SPEF2: variants seen among roughly 807,000 people sequenced by gnomAD.
The protein encoded by SPEF2 is sperm flagellar and cilia associated 2.
A neutral mutation model predicts 224.6 loss-of-function variants in SPEF2; 187 were observed. The observed-to-expected ratio is 0.83, with a 90% CI of 0.74 to 0.94. The LOEUF is 0.94. Among genes scored for constraint, SPEF2 ranks in the 40% least tolerant of loss-of-function variants. The pLI is 0.00. For missense variants in SPEF2, 2,170 were observed against 2,135.6 expected, an observed-to-expected ratio of 1.02 and a Z score of -0.32; for synonymous variants, 715 against 707.3, an observed-to-expected ratio of 1.01 and a Z score of -0.17.
In SPEF2 at chr5:35,740,178, G is replaced by C. The variant is rs1747370283; in HGVS notation, c.3241G>C (p.Val1081Leu). 1 of 1,614,112 alleles carries C rather than the reference G, an allele frequency of 6.2e-7. No individual in the cohort carries two copies. The highest frequency in any genetic ancestry group is 8.5e-7 in the Non-Finnish European group (1 of 1,180,010). The change falls in exon 23 of 37, where the codon GTA (valine) becomes CTA (leucine). Residue 1081 changes from valine to leucine, a missense_variant. Physicochemically the swap from Val to Leu is conservative, Grantham distance 32. Transcript: ENST00000356031. ...LKRPDHKQDF[V>L]AQWQADFNSL... ...GCGTCCGGATCACAAGCAAGATTTT[G>C]TAGCTCAATGGCAGGCTGATTTCAA...
chr5:35,763,404 A>C, intron 25 of SPEF2, 118 bp from the exon 26 acceptor site: 1 of 947,898 alleles, frequency 1.1e-6, no homozygotes, highest in South Asian at 2.4e-5. Context: ...TTCTTTCAGG[A>C]AAACTTTGAA....
chr5:35,652,079 T>C (rs1228010067), intron 6 of SPEF2, among the ~76,000 whole-genome samples: 2 of 152,188 alleles, frequency 1.3e-5, no homozygotes, highest in African/African-American at 2.4e-5. Context: ...TAATAGATTA[T>C]ACACATACAA....
chr5:35,798,742 C>T (rs535119818), intron 33 of SPEF2, among the ~76,000 whole-genome samples: 33 of 152,134 alleles, frequency 2.2e-4, no homozygotes, highest in African/African-American at 5.8e-4. Flanking sequence ...TACAGGCGCC[C>T]GCCACCAGAC....
At chr5:35,789,277 C>G in intron 30 of SPEF2, 1 of 703,268 alleles carries the variant, frequency 1.4e-6, no homozygotes, top group Non-Finnish European at 2.6e-6. Context: ...ATGTCCTTAG[C>G]ATTCTGTCCT....
chr5:35,813,036 C>T (rs1758633873), intron 36 of SPEF2, among the ~76,000 whole-genome samples: 1 of 152,192 alleles, frequency 6.6e-6, no homozygotes, highest in Admixed American at 6.5e-5. Flanking sequence ...ATAAATTTAG[C>T]TAAGACTGGT....
intron 1 of SPEF2, among the ~76,000 whole-genome samples, chr5:35,623,885 G>C (rs1743847854): frequency 6.6e-6 from 1 of 152,216 alleles, no homozygotes; most frequent in African/African-American, 2.4e-5. Context: ...CAGGCAGTAT[G>C]CTAAGCATTT....
At chr5:35,797,902 C>T (rs1756906820) in intron 33 of SPEF2, among the ~76,000 whole-genome samples, 1 of 152,178 alleles carries the variant, frequency 6.6e-6, no homozygotes, top group East Asian at 1.9e-4. Context: ...CCAGGTCCTC[C>T]GTAACCTCTT....
At chr5:35,709,473 T>A (rs1740669720) in intron 19 of SPEF2, 1 of 1,010,504 alleles carries the variant, frequency 9.9e-7, no homozygotes, top group African/African-American at 1.7e-5. Flanking sequence ...ATTTATGTAA[T>A]GAGTAAGAAC....
intron 20 of SPEF2, among the ~76,000 whole-genome samples, chr5:35,726,137 G>T (rs1446611436): frequency 6.6e-6 from 1 of 152,082 alleles, no homozygotes; most frequent in Non-Finnish European, 1.5e-5. Flanking sequence ...CAAATATTTT[G>T]CCCTTCAGTA....
chr5:35,768,799 G>T (rs2149775166), intron 26 of SPEF2, among the ~76,000 whole-genome samples: 1 of 152,182 alleles, frequency 6.6e-6, no homozygotes, highest in South Asian at 2.1e-4. Context: ...AATGAAACAG[G>T]TGTGATTCAC....
intron 8 of SPEF2, among the ~76,000 whole-genome samples, chr5:35,661,300 T>TATA (rs1749707603): frequency 8.5e-6 from 1 of 117,598 alleles, no homozygotes; most frequent in African/African-American, 3.2e-5. Flanking sequence ...ATATATATAT[T>TATA]ATACACACAT....
chr5:35,700,662 G>A lies in SPEF2; in HGVS notation c.2308G>A (p.Glu770Lys). The change falls in exon 16 of 37, where the codon GAA (glutamate) becomes AAA (lysine). Residue 770 changes from glutamate (E) to lysine (K), a missense_variant. By Grantham distance (56) the Glu-to-Lys change is moderately conservative. Coordinates refer to ENST00000356031, the MANE Select transcript of SPEF2 (RefSeq NM_024867.4). ...GGCTATTGATCCTGCGACTTCCAAA[G>A]AAATACCTCTTCCCTCTCCTGCATT... is the stretch of plus-strand genomic sequence containing the variant. ...TLAIDPATSK[E>K]IPLPSPAFDF... is the part of the protein sequence containing the mutation. 1 of 1,613,974 alleles carries A rather than the reference G, an allele frequency of 6.2e-7. No individual in the cohort carries two copies.
chr5:35,730,165 G>C (rs1745402430), intron 21 of SPEF2, among the ~76,000 whole-genome samples: 1 of 152,208 alleles, frequency 6.6e-6, no homozygotes, highest in African/African-American at 2.4e-5. Context: ...AATGATGGGA[G>C]AGAGATTGAA....
At chr5:35,770,374 C>T (rs982586446) in intron 26 of SPEF2, among the ~76,000 whole-genome samples, 2 of 152,022 alleles carry the variant, frequency 1.3e-5, no homozygotes, top group African/African-American at 4.8e-5. Flanking sequence ...AAAATTTACT[C>T]TTTTAGCAAT....
intron 7 of SPEF2, among the ~76,000 whole-genome samples, chr5:35,657,200 T>C (rs1207119703): frequency 6.6e-6 from 1 of 152,208 alleles, no homozygotes; most frequent in Admixed American, 6.5e-5. Flanking sequence ...CCTCAAAATA[T>C]CTTCCCTAGC....
rs980978755 is a variant in SPEF2, at chr5:35,709,409, T to G, written c.2839+288T>G. The G allele has an allele frequency of 1.5e-5, 18 of 1,166,528 alleles. No homozygotes were observed. In the African/African-American group the frequency reaches 2.7e-4, roughly 18 times the overall value. 72.3% of individuals were successfully genotyped at this position (1,166,528 alleles called of 1,614,324 possible). The stretch of plus-strand genomic sequence containing the variant: ...AGAGGAAAAGGCACAGAGTAACAGG[T>G]AACTTCAGGCAGATCAAGAGGATAC... On this transcript the variant is annotated intron_variant, in intron 19 of 36. Transcript: ENST00000356031.
intron 20 of SPEF2, among the ~76,000 whole-genome samples, chr5:35,717,098 T>C (rs1327922904): frequency 6.6e-6 from 1 of 152,220 alleles, no homozygotes; most frequent in African/African-American, 2.4e-5. Flanking sequence ...CCAGGAGAGA[T>C]GTTAATTAGG....
At position 35,793,296 on chromosome 5, in the gene SPEF2, G is replaced by A. The variant is rs774457020; in HGVS notation, c.4692G>A (p.Val1564=). ...AGACCCTTCAGAAGTTCAAGGCTGT[G>A]GATAAGGAGCAGTTGGGCACCATCA... ...LLETLQKFKA[V]DKEQLGTITF... Residue 1564 remains valine (V), a synonymous_variant, in exon 32 of 37, where the codon GTG becomes GTA. Coordinates refer to ENST00000356031, the MANE Select transcript of SPEF2 (RefSeq NM_024867.4). 1 of 1,614,134 alleles carries A rather than the reference G, an allele frequency of 6.2e-7. No individual in the cohort carries two copies. Among genetic ancestry groups the A allele is most frequent in the Non-Finnish European group, 8.5e-7 (1 of 1,180,016 alleles).
Position 35,810,948 on chromosome 5 carries a change from G to A in SPEF2, c.5380-3516G>A, listed in dbSNP as rs545648339. Among the ~76,000 whole-genome samples, 12 of 152,204 alleles carry A rather than the reference G, an allele frequency of 7.9e-5. No homozygotes were observed. In the East Asian group the frequency reaches 1.4e-3, roughly 17 times the overall value. On this transcript the variant is annotated intron_variant, in intron 36 of 36. Coordinates refer to ENST00000356031, the MANE Select transcript of SPEF2 (RefSeq NM_024867.4). ...ACTCCACCAAGGAATCTAATTAGAG[G>A]CCAGTAAACTACCACCCAGGGGACT... is the stretch of plus-strand genomic sequence containing the variant.
Sources: allele counts gnomAD v4.1 joint callset (sites outside exome capture counted in the v4.1 genomes callset), GRCh38; gene constraint gnomAD v4.1.1; transcripts MANE v1.5; gene names NCBI Gene and HGNC (gene_info 2026-07-23, HGNC 2026-07-21).